POMK: variants seen among roughly 807,000 people sequenced by gnomAD.
The protein encoded by POMK is Sugen kinase 196.
A neutral mutation model predicts 23.0 loss-of-function variants in POMK; 19 were observed. That is an observed-to-expected ratio of 0.83 (90% confidence interval 0.58 to 1.21). POMK has a LOEUF of 1.21. Ranked by LOEUF, POMK falls within the 50% of genes most tolerant of loss-of-function variation. The pLI is 0.00. For synonymous variants in POMK, 173 were observed against 171.6 expected, an observed-to-expected ratio of 1.01 and a Z score of -0.06; for missense variants, 410 against 431.3, an observed-to-expected ratio of 0.95 and a Z score of 0.44.
chr8:43,101,417 CAA>C (rs1156411465), intron 2 of POMK, among the ~76,000 whole-genome samples: 93 of 57,486 alleles, frequency 1.6e-3, no homozygotes, highest in Admixed American at 2.0e-3. Context: ...GACCCTATGT[CAA>C]AAAAAAAAAA....
intron 4 of POMK, among the ~76,000 whole-genome samples, chr8:43,115,822 C>T (rs532440255): frequency 1.1e-4 from 17 of 152,312 alleles, no homozygotes; most frequent in African/African-American, 3.6e-4. Context: ...CAAGGCCCTG[C>T]GAGACTTAAC....
chr8:43,122,055 C>T (rs1333104719), intron 4 of POMK, 52 bp from the exon 5 acceptor site: 3 of 1,542,104 alleles, frequency 1.9e-6, no homozygotes, highest in Non-Finnish European at 2.7e-6. Context: ...GTTCTTTGGT[C>T]ACTAAATTAG....
At position 43,122,651 on chromosome 8, in the gene POMK, A is replaced by G. The variant is rs1811945936; in HGVS notation, c.827A>G (p.Tyr276Cys). Reference sequence around the variant, plus strand: ...TTCCACGATGATCTCATGCCCTCATATGATGAGAAGATTGACATTTGGAAG... The same window carrying G: ...TTCCACGATGATCTCATGCCCTCATGTGATGAGAAGATTGACATTTGGAAG... ...VPFHDDLMPS[Y>C]DEKIDIWKIP... Residue 276 changes from tyrosine (Y) to cysteine (C), a missense_variant, in exon 5 of 5, where the codon TAT (tyrosine) becomes TGT (cysteine). Tyr to Cys is a radical substitution (Grantham distance 194). Transcript: ENST00000331373. The G allele has an allele frequency of 8.1e-6, 13 of 1,614,070 alleles. No individual in the cohort carries two copies. The highest frequency in any genetic ancestry group is 1.7e-5 in the Admixed American group (1 of 60,008).
chr8:43,119,762 C>G (rs1295707074), intron 4 of POMK, among the ~76,000 whole-genome samples: 1 of 151,934 alleles, frequency 6.6e-6, no homozygotes, highest in Non-Finnish European at 1.5e-5. Context: ...AGTTATTATC[C>G]TTAGTGAAAT....
intron 4 of POMK, 21 bp from the exon 5 acceptor site, chr8:43,122,086 C>A: frequency 6.2e-7 from 1 of 1,608,174 alleles, no homozygotes. Flanking sequence ...AGGCCTGATG[C>A]TCTCTATGGC....
intron 4 of POMK, among the ~76,000 whole-genome samples, chr8:43,106,215 T>A (rs944785088): frequency 6.6e-6 from 1 of 152,224 alleles, no homozygotes; most frequent in Non-Finnish European, 1.5e-5. Context: ...TATCTCATTG[T>A]GATTTTGGTT....
intron 2 of POMK, among the ~76,000 whole-genome samples, chr8:43,101,819 G>T (rs1346244593): frequency 4.6e-5 from 7 of 152,202 alleles, no homozygotes; most frequent in Non-Finnish European, 1.0e-4. Context: ...TCCAAAGGGG[G>T]TTTTTGACAC....
chr8:43,119,306 A>G lies in POMK; in HGVS notation c.283-2801A>G, dbSNP rs548700039. On this transcript the variant is annotated intron_variant, in intron 4 of 4. Transcript: ENST00000331373. Reference sequence around the variant, plus strand: ...CCAATTATCAGATTCAGTGGGATGCAAATCTATGGAGAGCGTGTGTTCAAT... The same window carrying G: ...CCAATTATCAGATTCAGTGGGATGCGAATCTATGGAGAGCGTGTGTTCAAT... Among the ~76,000 whole-genome samples, 3 of 152,334 alleles carry G rather than the reference A, an allele frequency of 2.0e-5. No homozygotes were observed. The East Asian group carries it at 5.8e-4, about 29-fold the overall frequency.
At position 43,103,817 on chromosome 8, in the gene POMK, G is replaced by A; in HGVS notation, c.269G>A (p.Gly90Glu). ...EVRQLKRVGEGAVKRVFLSEW... is the reference protein window; with the variant it reads ...EVRQLKRVGEEAVKRVFLSEW... Reference sequence around the variant, plus strand: ...AGACAGCTGAAGCGTGTTGGGGAAGGAGCTGTAAAGAGAGTGAGTCCGGGT... The same window carrying A: ...AGACAGCTGAAGCGTGTTGGGGAAGAAGCTGTAAAGAGAGTGAGTCCGGGT... Residue 90 changes from glycine to glutamate, a missense_variant, in exon 4 of 5, where the codon GGA (glycine) becomes GAA (glutamate). By Grantham distance (98) the Gly-to-Glu change is moderately conservative. Transcript: ENST00000331373. 2 of 1,614,124 alleles carry A rather than the reference G, an allele frequency of 1.2e-6. No individual in the cohort carries two copies. The highest frequency in any genetic ancestry group is 2.2e-5 in the South Asian group (2 of 91,058).
At chr8:43,101,392 C>T (rs947595305) in intron 2 of POMK, among the ~76,000 whole-genome samples, 3 of 144,682 alleles carry the variant, frequency 2.1e-5, no homozygotes, top group African/African-American at 5.2e-5. Flanking sequence ...CACTCCAGCC[C>T]GAGTGACAGA....
At chr8:43,113,885 T>C (rs1225051554) in intron 4 of POMK, among the ~76,000 whole-genome samples, 160 of 143,870 alleles carry the variant, frequency 1.1e-3, no homozygotes, top group South Asian at 2.2e-3. Context: ...CTCCAGACCC[T>C]GTTTGCCTGG....
chr8:43,109,252 A>G (rs979005020), intron 4 of POMK, among the ~76,000 whole-genome samples: 1 of 152,236 alleles, frequency 6.6e-6, no homozygotes, highest in African/African-American at 2.4e-5. Context: ...TTTCAAAAGG[A>G]AAAACCATTA....
intron 1 of POMK, among the ~76,000 whole-genome samples, chr8:43,096,026 G>A (rs1471156545): frequency 6.6e-6 from 1 of 152,212 alleles, no homozygotes; most frequent in East Asian, 1.9e-4. Flanking sequence ...CAGCCTGTGC[G>A]GCTGAGGCCA....
chr8:43,113,572 G>A (rs1295153527), intron 4 of POMK, among the ~76,000 whole-genome samples: 1 of 152,114 alleles, frequency 6.6e-6, no homozygotes, highest in South Asian at 2.1e-4. Context: ...CCTGTAGCTC[G>A]GCGTAGTTTG....
intron 4 of POMK, 140 bp downstream of exon 4, chr8:43,103,970 C>T (rs1303519295): frequency 2.4e-6 from 2 of 849,992 alleles, no homozygotes; most frequent in Admixed American, 2.3e-5. Context: ...CATATGTGCA[C>T]CACATTTGCT....
At chr8:43,105,491 T>A (rs902736950) in intron 4 of POMK, among the ~76,000 whole-genome samples, 1 of 152,250 alleles carries the variant, frequency 6.6e-6, no homozygotes, top group Admixed American at 6.5e-5. Context: ...GTTCCTTTCA[T>A]GTTGCCATAA....
At position 43,122,975 on chromosome 8, in the gene POMK, ATTG is replaced by A; in HGVS notation, c.*101_*103del. The stretch of plus-strand genomic sequence containing the variant: ...GTTTTTTGCCTGAGTTTCGTGTTTT[ATTG>A]TTTTTTTTATGGCTTAGCCATGTGG... On this transcript the variant is annotated 3_prime_UTR_variant, in exon 5 of 5. Coordinates refer to ENST00000331373, the MANE Select transcript of POMK (RefSeq NM_032237.5). 1 of 1,143,104 alleles carries A rather than the reference ATTG, an allele frequency of 8.7e-7. No individual in the cohort carries two copies. The highest frequency in any genetic ancestry group is 1.2e-6 in the Non-Finnish European group (1 of 812,138). 70.8% of individuals were successfully genotyped at this position (1,143,104 alleles called of 1,614,324 possible). A position where few individuals can be genotyped will look rare whatever the true frequency, so the allele number is the denominator to read the frequency against.
At chr8:43,094,261 G>T (rs1288521062) in intron 1 of POMK, among the ~76,000 whole-genome samples, 4 of 151,662 alleles carry the variant, frequency 2.6e-5, no homozygotes, top group African/African-American at 9.7e-5. Context: ...GGTCTCGAAC[G>T]CCTGACCTCA....
At chr8:43,107,566 G>A (rs1006924473) in intron 4 of POMK, among the ~76,000 whole-genome samples, 1 of 151,934 alleles carries the variant, frequency 6.6e-6, no homozygotes, top group Non-Finnish European at 1.5e-5. Flanking sequence ...GTAGAGACAG[G>A]GTTTCACCAC....
Sources: allele counts gnomAD v4.1 joint callset (sites outside exome capture counted in the v4.1 genomes callset), GRCh38; gene constraint gnomAD v4.1.1; transcripts MANE v1.5; gene names NCBI Gene and HGNC (gene_info 2026-07-23, HGNC 2026-07-21).